Variants in ARHGAP10 observed in about 807,000 individuals in gnomAD.
ARHGAP10 encodes the protein Rho GTPase activating protein 10.
In ARHGAP10, 87 loss-of-function variants were observed where a neutral mutation model predicts 108.6. The ratio of observed to expected loss-of-function variants is 0.80; its 90% confidence interval spans 0.67 to 0.96. ARHGAP10 has a LOEUF of 0.96. Among genes scored for constraint, ARHGAP10 ranks in the 40% least tolerant of loss-of-function variants. The pLI is 0.00. For synonymous variants in ARHGAP10, 347 were observed against 341.1 expected (o/e 1.02, Z -0.19); for missense variants, 939 against 954.5 (o/e 0.98, Z 0.21).
Position 148,063,180 on chromosome 4 carries a change from G to C in ARHGAP10, c.2060G>C (p.Trp687Ser), listed in dbSNP as rs202211834. The C allele has an allele frequency of 4.3e-6, 7 of 1,614,170 alleles. No individual in the cohort carries two copies. In the East Asian group the frequency reaches 1.6e-4, roughly 36 times the overall value. ...CAGACCCGATCGTCTATGGTCCAGT[G>C]GCTTAACCCACAGTCTCCAACCACA... is the stretch of plus-strand genomic sequence containing the variant. ...PGQTRSSMVQWLNPQSPTTTS... is the reference protein window; with the variant it reads ...PGQTRSSMVQSLNPQSPTTTS... The change falls in exon 21 of 23, where the codon TGG becomes TCG. Residue 687 changes from tryptophan (W) to serine (S), a missense_variant. Physicochemically the swap from Trp to Ser is radical, Grantham distance 177. Coordinates refer to ENST00000336498, the MANE Select transcript of ARHGAP10 (RefSeq NM_024605.4).
At chr4:147,920,916 A>G (rs767927294) in intron 13 of ARHGAP10, among the ~76,000 whole-genome samples, 7 of 152,252 alleles carry the variant, frequency 4.6e-5, no homozygotes, top group Non-Finnish European at 1.0e-4. Flanking sequence ...TGTGAAGGAA[A>G]CATGGAGAAA....
chr4:147,860,852 G>T (rs184401173), intron 5 of ARHGAP10: 20 of 152,336 alleles, frequency 1.3e-4, no homozygotes, highest in African/African-American at 4.3e-4. Context: ...TGATTTGCTT[G>T]GAGTAGTAAA....
intron 20 of ARHGAP10, among the ~76,000 whole-genome samples, chr4:148,055,806 A>AG (rs1729338555): frequency 6.6e-6 from 1 of 152,176 alleles, no homozygotes; most frequent in Non-Finnish European, 1.5e-5. Flanking sequence ...ATACAGTTGA[A>AG]GAAGGCCTCT....
chr4:147,879,237 G>T lies in ARHGAP10; in HGVS notation c.838G>T (p.Ala280Ser). The T allele has an allele frequency of 6.2e-7, 1 of 1,612,440 alleles. No homozygotes were observed. Among genetic ancestry groups the T allele is most frequent in the Non-Finnish European group, 8.5e-7 (1 of 1,179,478 alleles). ...GGGCTGTTTTTTTGTTGAAGGGCCT[G>T]CTCCGTTTGGTTCCAGTTGGGTCAA... ...GYLYVQEKRP[A>S]PFGSSWVKHY... Residue 280 changes from alanine (A) to serine (S), a missense_variant, in exon 9 of 23, where the codon GCT becomes TCT. Ala to Ser is a moderately conservative substitution (Grantham distance 99). Coordinates refer to ENST00000336498, the MANE Select transcript of ARHGAP10 (RefSeq NM_024605.4).
chr4:147,839,976 G>A (rs1029186745), intron 3 of ARHGAP10, among the ~76,000 whole-genome samples: 2 of 152,162 alleles, frequency 1.3e-5, no homozygotes, highest in Admixed American at 1.3e-4. Context: ...TGCTGTTGTA[G>A]CATGATTCTC....
chr4:147,973,380 C>G (rs960327415), intron 18 of ARHGAP10, among the ~76,000 whole-genome samples: 6 of 146,276 alleles, frequency 4.1e-5, no homozygotes, highest in African/African-American at 1.5e-4. Flanking sequence ...TAGATTGAGT[C>G]TATTATTTAT....
intron 1 of ARHGAP10, among the ~76,000 whole-genome samples, chr4:147,743,039 T>TA (rs758074862): frequency 2.4e-4 from 36 of 150,096 alleles, no homozygotes; most frequent in African/African-American, 5.9e-4. Context: ...TTTTTTTTTT[T>TA]AATTTTTATT....
chr4:147,896,828 G>C (rs1025744466), intron 10 of ARHGAP10, among the ~76,000 whole-genome samples: 1 of 152,002 alleles, frequency 6.6e-6, no homozygotes, highest in African/African-American at 2.4e-5. Context: ...TTCCTTATGT[G>C]ATTAGGCTAT....
intron 19 of ARHGAP10, 71 bp from the exon 20 acceptor site, chr4:148,046,821 C>T: frequency 1.4e-6 from 2 of 1,437,836 alleles, no homozygotes; most frequent in Admixed American, 1.9e-5. Context: ...CAAGTAACAC[C>T]ATATAATTAT....
At chr4:147,925,988 A>T (rs907756145) in intron 13 of ARHGAP10, among the ~76,000 whole-genome samples, 17 of 152,230 alleles carry the variant, frequency 1.1e-4, no homozygotes, top group Non-Finnish European at 2.4e-4. Flanking sequence ...CTATTTGCTA[A>T]GGCTGCAAGC....
At chr4:148,032,238 G>T (rs541244816) in intron 19 of ARHGAP10, among the ~76,000 whole-genome samples, 1 of 148,702 alleles carries the variant, frequency 6.7e-6, no homozygotes, top group Non-Finnish European at 1.5e-5. Flanking sequence ...CTGCAAGCCA[G>T]ATCTGTAGCC....
At chr4:147,881,169 G>A (rs1290817313) in intron 9 of ARHGAP10, among the ~76,000 whole-genome samples, 2 of 151,966 alleles carry the variant, frequency 1.3e-5, no homozygotes, top group Non-Finnish European at 2.9e-5. Context: ...AGCTATTTGG[G>A]TGGCTGAGTC....
intron 19 of ARHGAP10, among the ~76,000 whole-genome samples, chr4:148,042,274 T>G (rs116789287): frequency 6.6e-6 from 1 of 152,254 alleles, no homozygotes. Flanking sequence ...CTGTCATAAC[T>G]GAATATCTTT....
Position 147,882,079 on chromosome 4 carries a change from G to A in ARHGAP10, c.1034+147G>A, listed in dbSNP as rs182846223. The stretch of plus-strand genomic sequence containing the variant: ...CCAGGCTGTGTGTTCATTATAAGCT[G>A]TTTAGTCTTGATCACCGGGTTTAGC... On this transcript the variant is annotated intron_variant, in intron 10 of 22. Transcript: ENST00000336498. 2.7e-3 allele frequency: 1,987 copies of A among 725,974 alleles called. 8 individuals carry two copies. The highest frequency in any genetic ancestry group is 4.0e-3 in the Non-Finnish European group (1,747 of 436,734). The allele number at this position is 725,974 out of a possible 1,614,324, so 45.0% of individuals were successfully genotyped here.
intron 3 of ARHGAP10, among the ~76,000 whole-genome samples, chr4:147,838,389 C>T (rs1733258695): frequency 6.6e-6 from 1 of 152,012 alleles, no homozygotes; most frequent in Non-Finnish European, 1.5e-5. Flanking sequence ...AGGATTGTTT[C>T]AGCCCATGAT....
intron 20 of ARHGAP10, among the ~76,000 whole-genome samples, chr4:148,052,392 CTTTTTTT>C (rs35449374): frequency 1.1e-5 from 1 of 90,712 alleles, no homozygotes; most frequent in African/African-American, 4.4e-5. Flanking sequence ...TGCACATTTG[CTTTTTTT>C]TTTTTTTTTT....
At chr4:147,753,683 G>GT (rs1461551731) in intron 1 of ARHGAP10, among the ~76,000 whole-genome samples, 3 of 152,110 alleles carry the variant, frequency 2.0e-5, no homozygotes. Context: ...TTTGTTTGCA[G>GT]TGAACAAGTA....
intron 10 of ARHGAP10, among the ~76,000 whole-genome samples, chr4:147,903,580 C>A (rs1369958): frequency 0.11 from 17,409 of 152,140 alleles, 1,213 homozygotes; most frequent in East Asian, 0.32. Flanking sequence ...CAGAAGATTT[C>A]ACTGCCCTAA....
In ARHGAP10 at chr4:147,940,770, G is replaced by A. The variant is rs529560882; in HGVS notation, c.1303+871G>A. Among the ~76,000 whole-genome samples the A allele has an allele frequency of 4.6e-5, 7 of 152,340 alleles. No individual in the cohort carries two copies. In the South Asian group the frequency reaches 1.2e-3, roughly 27 times the overall value. Reference sequence around the variant, plus strand: ...AAAGAGTCATTTTTAGGAAGCATGAGCCAAGTTGAATAAAATCAACTGCCA... The same window carrying A: ...AAAGAGTCATTTTTAGGAAGCATGAACCAAGTTGAATAAAATCAACTGCCA... On this transcript the variant is annotated intron_variant, in intron 14 of 22. Coordinates refer to ENST00000336498, the MANE Select transcript of ARHGAP10 (RefSeq NM_024605.4).
Sources: allele counts gnomAD v4.1 joint callset (sites outside exome capture counted in the v4.1 genomes callset), GRCh38; gene constraint gnomAD v4.1.1; transcripts MANE v1.5; gene names NCBI Gene and HGNC (gene_info 2026-07-23, HGNC 2026-07-21).